The following MOB1B variants were observed in gnomAD, a reference collection of about 807,000 sequenced individuals.
MOB1B encodes the protein MOB1 Mps One Binder homolog B.
MOB1B carries 19 observed loss-of-function variants against 24.4 expected under a neutral mutation model. The observed-to-expected ratio is 0.78, with a 90% CI of 0.54 to 1.14. The LOEUF is 1.14. Ranked by LOEUF, MOB1B falls within the 50% of genes most tolerant of loss-of-function variation. MOB1B has a pLI of 0.00. For missense variants in MOB1B, 243 were observed against 259.6 expected, an observed-to-expected ratio of 0.94 and a Z score of 0.44; for synonymous variants, 76 against 82.1, an observed-to-expected ratio of 0.93 and a Z score of 0.40.
chr4:70,949,884 T>G lies in MOB1B; in HGVS notation c.15-8990T>G, dbSNP rs554221617. ...GTGTTTGTGTCACTGCACTCCAGCC[T>G]AGGGGACAGAGTGAACCCTGTCTTC... On this transcript the variant is annotated intron_variant, in intron 1 of 5. Transcript: ENST00000309395. Among the ~76,000 whole-genome samples, 3 of 151,944 alleles carry G rather than the reference T, an allele frequency of 2.0e-5. No homozygotes were observed. In the East Asian group the frequency reaches 5.8e-4, roughly 29 times the overall value.
chr4:70,920,290 A>G (rs1736376273), intron 1 of MOB1B, among the ~76,000 whole-genome samples: 2 of 148,256 alleles, frequency 1.3e-5, no homozygotes, highest in Admixed American at 1.3e-4. Flanking sequence ...CAACAGTCTC[A>G]CTCTCCGCTC....
intron 1 of MOB1B, among the ~76,000 whole-genome samples, chr4:70,934,068 A>G (rs1578365110): frequency 6.6e-6 from 1 of 151,980 alleles, no homozygotes; most frequent in East Asian, 1.9e-4. Flanking sequence ...CATACTTCTC[A>G]TTCTGCAACT....
At chr4:70,979,078 T>A in intron 4 of MOB1B, 50 bp from the exon 5 acceptor site, 1 of 1,475,866 alleles carries the variant, frequency 6.8e-7, no homozygotes, top group Non-Finnish European at 9.4e-7. Context: ...AAACTCATTG[T>A]CTTGTTGTCA....
In MOB1B at chr4:70,958,359, G is replaced by A. The variant is rs1738156062; in HGVS notation, c.15-515G>A. Reference sequence around the variant, plus strand: ...TTTTTGCATTTTTAGTAGAGATGGGGTTTCGCCATGTTGACCAGGCTGGTC... The same window carrying A: ...TTTTTGCATTTTTAGTAGAGATGGGATTTCGCCATGTTGACCAGGCTGGTC... On this transcript the variant is annotated intron_variant, in intron 1 of 5. Transcript: ENST00000309395. Among the ~76,000 whole-genome samples the A allele has an allele frequency of 2.6e-5, 4 of 151,818 alleles. No homozygotes were observed. In the South Asian group the frequency reaches 8.4e-4, roughly 32 times the overall value.
intron 3 of MOB1B, 90 bp from the exon 4 acceptor site, chr4:70,975,063 G>T: frequency 2.1e-6 from 2 of 948,436 alleles, no homozygotes; most frequent in Non-Finnish European, 1.4e-6. Flanking sequence ...ACATGTCTGT[G>T]TGTACATTAG....
At chr4:70,912,569 C>T (rs1043964195) in intron 1 of MOB1B, among the ~76,000 whole-genome samples, 10 of 151,890 alleles carry the variant, frequency 6.6e-5, no homozygotes, top group African/African-American at 2.4e-4. Flanking sequence ...TGAGCCACCA[C>T]GCCCGGCCTT....
upstream of MOB1B, among the ~76,000 whole-genome samples, chr4:70,901,882 CT>C (rs1735523367): frequency 3.9e-5 from 6 of 152,226 alleles, 1 homozygote; most frequent in South Asian, 1.2e-3. Context: ...CTTTGGCCCC[CT>C]AAGTGGTTAC....
At chr4:70,960,561 A>G (rs1160164724) in intron 2 of MOB1B, among the ~76,000 whole-genome samples, 1 of 152,152 alleles carries the variant, frequency 6.6e-6, no homozygotes, top group East Asian at 1.9e-4. Flanking sequence ...CCCCCCTCTA[A>G]TACCTTTTAG....
chr4:70,981,701 G>T (rs2148905579), intron 5 of MOB1B, among the ~76,000 whole-genome samples: 1 of 152,176 alleles, frequency 6.6e-6, no homozygotes, highest in East Asian at 1.9e-4. Context: ...TTTGTGTCAG[G>T]CATTACATGA....
chr4:70,912,527 C>T (rs1736033008), intron 1 of MOB1B, among the ~76,000 whole-genome samples: 1 of 152,148 alleles, frequency 6.6e-6, no homozygotes, highest in African/African-American at 2.4e-5. Context: ...ATCCACCGGC[C>T]TCAGCCTCCT....
intron 2 of MOB1B, 29 bp downstream of exon 2, chr4:70,959,069 C>T (rs1738190877): frequency 9.4e-6 from 15 of 1,601,084 alleles, no homozygotes; most frequent in Non-Finnish European, 1.3e-5. Context: ...TCTCAGTAGC[C>T]TGTGAATTAG....
rs182634473 is a variant in MOB1B at position 70,972,365 on chromosome 4, C to A, written c.275+2341C>A. Among the ~76,000 whole-genome samples the A allele has an allele frequency of 1.0e-3, 156 of 152,146 alleles. 3 individuals carry two copies. The East Asian group carries it at 0.027, about 26-fold the overall frequency. Reference sequence around the variant, plus strand: ...GAGTAGCTGGGATTACAGGTGCATGCCACCATACCCGGCTATTTTTGTATT... The same window carrying A: ...GAGTAGCTGGGATTACAGGTGCATGACACCATACCCGGCTATTTTTGTATT... On this transcript the variant is annotated intron_variant, in intron 3 of 5. Coordinates refer to ENST00000309395, the MANE Select transcript of MOB1B (RefSeq NM_173468.4).
intron 1 of MOB1B, among the ~76,000 whole-genome samples, chr4:70,929,199 T>TTTG: frequency 6.7e-6 from 1 of 148,730 alleles, no homozygotes; most frequent in Non-Finnish European, 1.5e-5. Context: ...TTTTTTTTTT[T>TTTG]TGAGACAATC....
chr4:70,944,586 A>G (rs1369008159), intron 1 of MOB1B, among the ~76,000 whole-genome samples: 3 of 152,188 alleles, frequency 2.0e-5, no homozygotes, highest in Non-Finnish European at 4.4e-5. Flanking sequence ...GAGACTGGGT[A>G]ATTTATAAGA....
At position 70,958,938 on chromosome 4, in the gene MOB1B, G is replaced by A. The variant is rs1738184257; in HGVS notation, c.79G>A (p.Glu27Lys). 2 of 1,613,804 alleles carry A rather than the reference G, an allele frequency of 1.2e-6. No individual in the cohort carries two copies. Among genetic ancestry groups the A allele is most frequent in the Non-Finnish European group, 1.7e-6 (2 of 1,179,988 alleles). Residue 27 changes from glutamate (E) to lysine (K), a missense_variant, in exon 2 of 6, where the codon GAG (glutamate) becomes AAG (lysine). Physicochemically the swap from Glu to Lys is moderately conservative, Grantham distance 56. Transcript: ENST00000309395. ...CATTCCAGAGGGTTCTCACCAGTAT[G>A]AGCTCTTAAAACACGCAGAAGCCAC... Reference protein sequence around the residue: ...KNIPEGSHQYELLKHAEATLG... With the variant: ...KNIPEGSHQYKLLKHAEATLG...
At chr4:70,909,184 A>G (rs542231139) in intron 1 of MOB1B, among the ~76,000 whole-genome samples, 20 of 152,014 alleles carry the variant, frequency 1.3e-4, no homozygotes, top group Non-Finnish European at 1.0e-4. Context: ...CTCTAGACTC[A>G]TGATAGTGCT....
intron 1 of MOB1B, among the ~76,000 whole-genome samples, chr4:70,940,737 C>T (rs557060040): frequency 4.6e-4 from 68 of 148,782 alleles, no homozygotes; most frequent in African/African-American, 1.6e-3. Flanking sequence ...AGTGCAATGG[C>T]GCAATCTCAG....
rs1449544912 is a variant in MOB1B, at chr4:70,985,850, T to A, written c.*3793T>A. On this transcript the variant is annotated 3_prime_UTR_variant, in exon 6 of 6. Coordinates refer to ENST00000309395, the MANE Select transcript of MOB1B (RefSeq NM_173468.4). ...GACCTATCTTAATCATCAGCTCAACTGTAATTTAAATTTGGCTGTTCTCTG... is the reference window on the plus strand; with the variant it reads ...GACCTATCTTAATCATCAGCTCAACAGTAATTTAAATTTGGCTGTTCTCTG... The A allele has an allele frequency of 6.6e-6, 1 of 152,206 alleles. No individual in the cohort carries two copies. Among genetic ancestry groups the A allele is most frequent in the Non-Finnish European group, 1.5e-5 (1 of 68,040 alleles). 9.4% of individuals were successfully genotyped at this position (152,206 alleles called of 1,614,324 possible).
chr4:70,902,136 G>A (rs1311947805), upstream of MOB1B, among the ~76,000 whole-genome samples: 3 of 152,178 alleles, frequency 2.0e-5, no homozygotes, highest in Non-Finnish European at 4.4e-5. Flanking sequence ...GGGCAGCCGC[G>A]GCGCACACGC....
Sources: gnomAD v4.1 joint callset for allele counts (sites outside exome capture counted in the v4.1 genomes callset) on GRCh38, gnomAD v4.1.1 for gene constraint, MANE v1.5 for transcripts, NCBI Gene and HGNC (gene_info 2026-07-23, HGNC 2026-07-21) for gene names.